The following P2RY14 variants were observed in gnomAD, a reference collection of about 807,000 sequenced individuals.
P2RY14 encodes P2Y purinoceptor 14.
A neutral mutation model predicts 0.9 loss-of-function variants in P2RY14; 2 were observed. The observed-to-expected ratio is 2.16, with a 90% CI of 0.88 to 6.79. The LOEUF is 6.79. Among genes scored for constraint, P2RY14 ranks in the 30% most tolerant of loss-of-function variants. The probability of loss-of-function intolerance (pLI) is 0.05; values close to 1 mark genes in which losing one functional copy is unlikely to be tolerated. For synonymous variants in P2RY14, 158 were observed against 147.2 expected (o/e 1.07, Z -0.53); for missense variants, 378 against 400.1 (o/e 0.94, Z 0.47).
At chr3:151,223,733 G>T (rs905596325) in intron 1 of P2RY14, among the ~76,000 whole-genome samples, 2 of 152,156 alleles carry the variant, frequency 1.3e-5, no homozygotes, top group African/African-American at 4.8e-5. Flanking sequence ...CTTACTCTTG[G>T]GTTTTGTGTT....
chr3:151,218,683 A>G (rs937954989), intron 2 of P2RY14, among the ~76,000 whole-genome samples: 1 of 152,092 alleles, frequency 6.6e-6, no homozygotes, highest in African/African-American at 2.4e-5. Flanking sequence ...CCTGGCCAAC[A>G]TGATGAAACC....
intron 1 of P2RY14, among the ~76,000 whole-genome samples, chr3:151,251,277 G>A (rs1396777995): frequency 1.3e-5 from 2 of 152,040 alleles, no homozygotes; most frequent in African/African-American, 2.4e-5. Flanking sequence ...TACTCAATGT[G>A]TCTCTCTCAA....
intron 1 of P2RY14, chr3:151,269,397 T>TCTCACACACACA (rs925857835): frequency 2.1e-5 from 3 of 144,512 alleles, no homozygotes; most frequent in Admixed American, 6.9e-5. Context: ...TGAAACTCCA[T>TCTCACACACACA]CACACACACA....
chr3:151,216,318 T>C (rs1398806005), intron 2 of P2RY14, among the ~76,000 whole-genome samples: 1 of 152,206 alleles, frequency 6.6e-6, no homozygotes, highest in African/African-American at 2.4e-5. Flanking sequence ...TGTCAGAGAA[T>C]GCATCTTTTT....
intron 2 of P2RY14, among the ~76,000 whole-genome samples, chr3:151,214,698 A>T (rs1727857005): frequency 6.6e-6 from 1 of 152,084 alleles, no homozygotes; most frequent in Non-Finnish European, 1.5e-5. Flanking sequence ...CTGGAGCAGC[A>T]GGGCAGTCTC....
chr3:151,269,686 A>G (rs1740516458), intron 1 of P2RY14: 1 of 417,008 alleles, frequency 2.4e-6, no homozygotes. Context: ...CAGGTTACAG[A>G]AAGATTTTTA....
intron 1 of P2RY14, among the ~76,000 whole-genome samples, chr3:151,275,254 G>A (rs1312090633): frequency 1.3e-5 from 2 of 151,970 alleles, no homozygotes; most frequent in South Asian, 4.1e-4. Flanking sequence ...GATCGCTTTG[G>A]GCCAACCTCA....
intron 2 of P2RY14, among the ~76,000 whole-genome samples, chr3:151,218,920 T>C (rs1029303924): frequency 2.7e-5 from 4 of 147,052 alleles, no homozygotes; most frequent in African/African-American, 1.0e-4. Flanking sequence ...ACTGTAATAG[T>C]GTAAGTCTTG....
At chr3:151,240,824 CA>C (rs1328909010) in intron 1 of P2RY14, among the ~76,000 whole-genome samples, 4 of 152,182 alleles carry the variant, frequency 2.6e-5, no homozygotes, top group Admixed American at 6.5e-5. Context: ...AGGTCAGAGA[CA>C]AGGAGTGATA....
chr3:151,267,808 C>T (rs553755335), intron 1 of P2RY14, among the ~76,000 whole-genome samples: 13 of 152,188 alleles, frequency 8.5e-5, no homozygotes, highest in African/African-American at 2.9e-4. Flanking sequence ...AAGAAAGGAA[C>T]CTTGCTAAAA....
intron 1 of P2RY14, among the ~76,000 whole-genome samples, chr3:151,232,186 T>G (rs898437557): frequency 7.2e-5 from 11 of 152,320 alleles, no homozygotes; most frequent in African/African-American, 1.2e-4. Context: ...TTGGCCATTT[T>G]CTTTTCTCTT....
Position 151,260,564 on chromosome 3 carries a change from C to T in P2RY14, c.-133+17723G>A, listed in dbSNP as rs188823369. The stretch of plus-strand genomic sequence containing the variant: ...AGGGGTCTCACAATGTTGCCGTGGT[C>T]GGTCTCGAACTTCTGAACTCAAGTG... On this transcript the variant is annotated intron_variant, in intron 1 of 2. Coordinates refer to ENST00000309170, the MANE Select transcript of P2RY14 (RefSeq NM_014879.4). Among the ~76,000 whole-genome samples, 16 of 152,076 alleles carry T rather than the reference C, an allele frequency of 1.1e-4. No homozygotes were observed. In the East Asian group the frequency reaches 1.2e-3, roughly 11 times the overall value.
At chr3:151,246,194 C>T (rs1735421223) in intron 1 of P2RY14, among the ~76,000 whole-genome samples, 1 of 152,156 alleles carries the variant, frequency 6.6e-6, no homozygotes, top group Non-Finnish European at 1.5e-5. Flanking sequence ...GGCCATACTG[C>T]TCAAGGTAAT....
intron 1 of P2RY14, among the ~76,000 whole-genome samples, chr3:151,240,296 C>T (rs1733822521): frequency 6.6e-6 from 1 of 152,128 alleles, no homozygotes; most frequent in Admixed American, 6.6e-5. Context: ...TACTCCTTAC[C>T]CTTTATTTCT....
rs1015998056 is a variant in P2RY14 at position 151,236,504 on chromosome 3, G to A, written c.-132-16862C>T. Among the ~76,000 whole-genome samples the A allele has an allele frequency of 2.6e-5, 4 of 152,114 alleles. No homozygotes were observed. The East Asian group carries it at 5.8e-4, about 22-fold the overall frequency. On this transcript the variant is annotated intron_variant, in intron 1 of 2. Coordinates refer to ENST00000309170, the MANE Select transcript of P2RY14 (RefSeq NM_014879.4). Reference sequence around the variant, plus strand: ...CTCCTTCAGACTCAGTAACCAAAACGAAAGCCAAGACCTTGACAGTAAGCA... The same window carrying A: ...CTCCTTCAGACTCAGTAACCAAAACAAAAGCCAAGACCTTGACAGTAAGCA...
chr3:151,244,750 C>G (rs1734991884), intron 1 of P2RY14, among the ~76,000 whole-genome samples: 1 of 151,696 alleles, frequency 6.6e-6, no homozygotes, highest in Non-Finnish European at 1.5e-5. Flanking sequence ...TAGCAGAAGG[C>G]AAGAAATAAC....
chr3:151,275,318 C>A (rs1741665165), intron 1 of P2RY14, among the ~76,000 whole-genome samples: 2 of 151,978 alleles, frequency 1.3e-5, no homozygotes, highest in Non-Finnish European at 2.9e-5. Flanking sequence ...ACCTCAAAAG[C>A]AGATGTCATA....
chr3:151,237,536 A>G lies in P2RY14; in HGVS notation c.-132-17894T>C, dbSNP rs541736978. On this transcript the variant is annotated intron_variant, in intron 1 of 2. Transcript: ENST00000309170. ...GGCTAATTTTTTGTATTTTTAGTGG[A>G]GATGGGGTTTCACCATGTTGGCCAG... 8.6e-5 allele frequency among the ~76,000 whole-genome samples: 13 copies of G among 150,844 alleles called. No homozygotes were observed. The South Asian group carries it at 2.7e-3, about 32-fold the overall frequency.
intron 1 of P2RY14, among the ~76,000 whole-genome samples, chr3:151,230,842 T>C (rs1484300039): frequency 6.6e-6 from 1 of 152,214 alleles, no homozygotes; most frequent in Non-Finnish European, 1.5e-5. Context: ...GACTTCCCAC[T>C]GTCAGTGAGC....
Sources: gnomAD v4.1 joint callset for allele counts (sites outside exome capture counted in the v4.1 genomes callset) on GRCh38, gnomAD v4.1.1 for gene constraint, MANE v1.5 for transcripts, NCBI Gene and HGNC (gene_info 2026-07-23, HGNC 2026-07-21) for gene names.